SOD2: variants seen among roughly 807,000 people sequenced by gnomAD.
SOD2 encodes the protein superoxide dismutase 2.
In SOD2, 11 loss-of-function variants were observed where a neutral mutation model predicts 27.0. That is an observed-to-expected ratio of 0.41 (90% CI 0.26 to 0.67). The LOEUF (loss-of-function observed/expected upper bound fraction) is 0.67. SOD2 is among the 30% of genes least tolerant of loss of function. The pLI is 0.34. For missense variants in SOD2, 250 were observed against 274.5 expected (o/e 0.91, Z 0.63); for synonymous variants, 105 against 103.0 (o/e 1.02, Z -0.12).
rs965822533 is a variant in SOD2 at position 159,692,945 on chromosome 6, G to T, written c.24-82C>A. The T allele has an allele frequency of 8.7e-5, 120 of 1,381,452 alleles. No individual in the cohort carries two copies. The African/African-American group carries it at 1.2e-3, about 14-fold the overall frequency. 85.6% of individuals were successfully genotyped at this position (1,381,452 alleles called of 1,614,324 possible). A position where few individuals can be genotyped will look rare whatever the true frequency, so the allele number is the denominator to read the frequency against. Reference sequence around the variant, plus strand: ...CTGGGCTGCCGAGGAACGGCAGCGCGCGGCGTCCCCCGAGTCCCCGCGTCC... The same window carrying T: ...CTGGGCTGCCGAGGAACGGCAGCGCTCGGCGTCCCCCGAGTCCCCGCGTCC... On this transcript the variant is annotated intron_variant, in intron 1 of 4. Transcript: ENST00000538183.
chr6:159,697,505 T>TA (rs1231759433), upstream of SOD2, among the ~76,000 whole-genome samples: 2 of 152,174 alleles, frequency 1.3e-5, no homozygotes, highest in East Asian at 3.8e-4. Flanking sequence ...CGGGCAAAAT[T>TA]ACGATTAGAT....
At chr6:159,750,085 CTT>C (rs113205899), upstream of SOD2, among the ~76,000 whole-genome samples, 5,195 of 152,264 alleles carry the variant, frequency 0.034, 133 homozygotes, top group South Asian at 0.066. Flanking sequence ...GTTTGTGTGA[CTT>C]TTCAGCAAGA....
chr6:159,712,531 CTCTGATCACCATA>C (rs1236354008), intron 1 of SOD2, among the ~76,000 whole-genome samples: 1 of 138,834 alleles, frequency 7.2e-6, no homozygotes, highest in Non-Finnish European at 1.6e-5. Context: ...ACTCACACTG[CTCTGATCACCATA>C]ACCACCTCCA....
At chr6:159,759,404 G>T (rs1239620769) in intron 1 of SOD2, among the ~76,000 whole-genome samples, 2 of 144,648 alleles carry the variant, frequency 1.4e-5, no homozygotes, top group African/African-American at 5.0e-5. Context: ...GGGCGCGGTG[G>T]CTCACGCCTG....
chr6:159,745,905 C>T (rs1779547445), upstream of SOD2, among the ~76,000 whole-genome samples: 1 of 152,008 alleles, frequency 6.6e-6, no homozygotes, highest in Non-Finnish European at 1.5e-5. Context: ...AGTTTGGATG[C>T]TGTTGTGGAA....
chr6:159,725,058 C>T (rs930057932), intron 1 of SOD2, among the ~76,000 whole-genome samples: 3 of 152,168 alleles, frequency 2.0e-5, no homozygotes, highest in African/African-American at 7.2e-5. Context: ...TTTCCCTATG[C>T]TCAGCTCCGG....
intron 1 of SOD2, chr6:159,742,197 TTAAAA>T: frequency 6.9e-7 from 1 of 1,439,782 alleles, no homozygotes; most frequent in Non-Finnish European, 9.5e-7. Flanking sequence ...CTTTTGATTG[TTAAAA>T]TCAAAAGGAT....
chr6:159,714,111 C>T (rs528422438), intron 1 of SOD2: 93 of 548,770 alleles, frequency 1.7e-4, no homozygotes, highest in African/African-American at 1.7e-3. Flanking sequence ...CTTCTGCTCA[C>T]ATAAGCAAGT....
intron 1 of SOD2, chr6:159,739,111 A>G (rs1779091617): frequency 7.7e-7 from 1 of 1,292,886 alleles, no homozygotes; most frequent in Non-Finnish European, 1.1e-6. Context: ...TCTACACTGT[A>G]ATTGTCTTTG....
At chr6:159,730,146 G>A (rs1179275182), upstream of SOD2, among the ~76,000 whole-genome samples, 1 of 152,174 alleles carries the variant, frequency 6.6e-6, no homozygotes, top group Admixed American at 6.5e-5. Context: ...TTAATTAATA[G>A]CTGTTTTAAT....
intron 1 of SOD2, among the ~76,000 whole-genome samples, chr6:159,750,891 C>T (rs1394672913): frequency 3.3e-5 from 5 of 152,188 alleles, no homozygotes; most frequent in African/African-American, 4.8e-5. Flanking sequence ...CTTTGGGTTG[C>T]GTGCACGCGC....
At chr6:159,758,967 A>G (rs547202455) in intron 1 of SOD2, among the ~76,000 whole-genome samples, 1 of 152,298 alleles carries the variant, frequency 6.6e-6, no homozygotes, top group East Asian at 1.9e-4. Flanking sequence ...CTCATGAGTA[A>G]GCACTTGGAG....
intron 1 of SOD2, among the ~76,000 whole-genome samples, chr6:159,753,146 A>T (rs1297325304): frequency 6.6e-6 from 1 of 152,288 alleles, no homozygotes; most frequent in East Asian, 1.9e-4. Context: ...TGTGTTAATT[A>T]ACTGGCTCTG....
intron 4 of SOD2, 74 bp from the exon 5 acceptor site, chr6:159,682,712 T>C: frequency 7.0e-7 from 1 of 1,434,996 alleles, no homozygotes; most frequent in Non-Finnish European, 9.3e-7. Flanking sequence ...AATTTCAACT[T>C]TTATTATTCT....
intron 1 of SOD2, among the ~76,000 whole-genome samples, chr6:159,717,086 A>C (rs1389616831): frequency 6.6e-6 from 1 of 152,192 alleles, no homozygotes; most frequent in East Asian, 1.9e-4. Context: ...CAGGACAGGG[A>C]AATTACATGC....
At chr6:159,761,345 C>G (rs1780119688) in exon 1 of SOD2, 2 of 306,968 alleles carry the variant, frequency 6.5e-6, no homozygotes, top group Admixed American at 4.2e-5. Context: ...ACTGACCCCA[C>G]TTGTTACATG....
intron 1 of SOD2, among the ~76,000 whole-genome samples, chr6:159,723,751 C>CTT (rs67149731): frequency 6.6e-6 from 1 of 151,688 alleles, no homozygotes; most frequent in Non-Finnish European, 1.5e-5. Context: ...AGAACTAGGA[C>CTT]TTTTTTTTGC....
chr6:159,751,505 T>C (rs1017095307), intron 1 of SOD2, among the ~76,000 whole-genome samples: 4 of 152,216 alleles, frequency 2.6e-5, no homozygotes, highest in African/African-American at 9.7e-5. Context: ...CATTTTCCCA[T>C]TGTTTAATTT....
At chr6:159,740,237 G>T (rs558031212) in intron 1 of SOD2, among the ~76,000 whole-genome samples, 3 of 151,174 alleles carry the variant, frequency 2.0e-5, no homozygotes, top group East Asian at 1.9e-4. Context: ...TCATTTTTTT[G>T]ATTTAACTGT....
Sources: allele counts gnomAD v4.1 joint callset (sites outside exome capture counted in the v4.1 genomes callset), GRCh38; gene constraint gnomAD v4.1.1; transcripts MANE v1.5; gene names NCBI Gene and HGNC (gene_info 2026-07-23, HGNC 2026-07-21).